DPP4: variants seen among roughly 807,000 people sequenced by gnomAD.
The protein encoded by DPP4 is ADCP-2.
In DPP4, 93 loss-of-function variants were observed where a neutral mutation model predicts 122.4. The ratio of observed to expected loss-of-function variants is 0.76; its 90% confidence interval spans 0.64 to 0.90. DPP4 has a LOEUF of 0.90. DPP4 is among the 40% of genes least tolerant of loss of function. The pLI, the probability that DPP4 is intolerant of heterozygous loss-of-function variation, is 0.00. For synonymous variants in DPP4, 321 were observed against 302.9 expected (o/e 1.06, Z -0.62); for missense variants, 914 against 907.3 (o/e 1.01, Z -0.09).
chr2:162,005,545 T>C (rs778342687), intron 23 of DPP4, 200 bp downstream of exon 23: 4 of 513,194 alleles, frequency 7.8e-6, no homozygotes, highest in Non-Finnish European at 1.4e-5. Context: ...GTGACCTATA[T>C]AGCATACGAT....
chr2:162,048,882 A>C (rs1012537784), intron 2 of DPP4, among the ~76,000 whole-genome samples: 19 of 152,168 alleles, frequency 1.2e-4, no homozygotes, highest in Admixed American at 9.8e-4. Flanking sequence ...TTTTTACGTC[A>C]ACCTTTAGCA....
At chr2:162,009,650 C>A (rs1449501917) in intron 20 of DPP4, among the ~76,000 whole-genome samples, 1 of 151,856 alleles carries the variant, frequency 6.6e-6, no homozygotes, top group African/African-American at 2.4e-5. Flanking sequence ...GAATTTAAAT[C>A]TCTCCAGATG....
At chr2:162,018,622 G>A in intron 16 of DPP4, 107 bp downstream of exon 16, 1 of 1,390,150 alleles carries the variant, frequency 7.2e-7, no homozygotes, top group Admixed American at 2.3e-5. Flanking sequence ...GAGAGAAGGG[G>A]ACTTAGGTGA....
rs1683035854 is a variant in DPP4, at chr2:162,019,285, A to AG, written c.1245-10dup. ...CATTACTAATGTAGTATCTAGGAAG[A>AG]GAAAAAAATGAAATATATATTAATT... is the stretch of plus-strand genomic sequence containing the variant. On this transcript the variant is annotated splice_polypyrimidine_tract_variant and intron_variant, in intron 14 of 25. Coordinates refer to ENST00000360534, the MANE Select transcript of DPP4 (RefSeq NM_001935.4). 2 of 1,490,956 alleles carry AG rather than the reference A, an allele frequency of 1.3e-6. No individual in the cohort carries two copies. Among genetic ancestry groups the AG allele is most frequent in the Admixed American group, 1.9e-5 (1 of 53,472 alleles). 92.4% of individuals were successfully genotyped at this position (1,490,956 alleles called of 1,614,324 possible).
At chr2:162,016,708 T>C (rs1682939461) in intron 18 of DPP4, 60 bp downstream of exon 18, 1 of 1,091,526 alleles carries the variant, frequency 9.2e-7, no homozygotes, top group African/African-American at 1.6e-5. Flanking sequence ...ATCGAATTAC[T>C]ATAGTTAGAG....
In DPP4 at chr2:162,024,873, C is replaced by A; in HGVS notation, c.954G>T (p.Arg318Ser). The A allele has an allele frequency of 6.2e-7, 1 of 1,613,954 alleles. No homozygotes were observed. The highest frequency in any genetic ancestry group is 8.5e-7 in the Non-Finnish European group (1 of 1,180,006). ...TATCCATGACCGAATAGTTCTGAAT[C>A]CTCCTGAGCCACTGCAAAGAAATTC... ...QERISLQWLRRIQNYSVMDIC... is the reference protein window; with the variant it reads ...QERISLQWLRSIQNYSVMDIC... The change falls in exon 11 of 26, where the codon AGG (arginine) becomes AGT (serine). Residue 318 changes from arginine to serine, a missense_variant. Arg to Ser is a moderately radical substitution (Grantham distance 110). Transcript: ENST00000360534.
chr2:161,999,157 A>G (rs972178661), intron 23 of DPP4, among the ~76,000 whole-genome samples: 1 of 152,110 alleles, frequency 6.6e-6, no homozygotes, highest in Non-Finnish European at 1.5e-5. Context: ...ACCATTGATC[A>G]TTCCCTACTC....
chr2:162,067,954 T>G (rs557851374), intron 2 of DPP4, among the ~76,000 whole-genome samples: 1 of 152,342 alleles, frequency 6.6e-6, no homozygotes, highest in Non-Finnish European at 1.5e-5. Flanking sequence ...GATCCAGTAC[T>G]TACTTGCAAA....
chr2:162,017,165 C>G lies in DPP4; in HGVS notation c.1421-10G>C, dbSNP rs1263080816. On this transcript the variant is annotated splice_polypyrimidine_tract_variant and intron_variant, in intron 16 of 25. Transcript: ENST00000360534. ...AGGGGCAGACCAGGACCTGTTAACA[C>G]AATGGGGGAAAAATGTTTTGGATGA... 1 of 1,609,798 alleles carries G rather than the reference C, an allele frequency of 6.2e-7. No homozygotes were observed. The highest frequency in any genetic ancestry group is 8.5e-7 in the Non-Finnish European group (1 of 1,178,864).
At chr2:161,995,940 C>G (rs532781058) in intron 23 of DPP4, among the ~76,000 whole-genome samples, 1 of 152,162 alleles carries the variant, frequency 6.6e-6, no homozygotes, top group African/African-American at 2.4e-5. Flanking sequence ...GCAAATGTAA[C>G]ATATGGGAGG....
intron 24 of DPP4, 102 bp downstream of exon 24, chr2:161,995,198 T>G (rs1576028793): frequency 1.5e-6 from 2 of 1,335,288 alleles, no homozygotes; most frequent in Admixed American, 3.4e-5. Flanking sequence ...ACTGTTTTAT[T>G]GAAGTAAATG....
chr2:162,005,129 A>C (rs920226466), intron 23 of DPP4, among the ~76,000 whole-genome samples: 7 of 152,218 alleles, frequency 4.6e-5, no homozygotes, highest in African/African-American at 1.4e-4. Flanking sequence ...GGGGGCTGTC[A>C]ATGATAGTTG....
At chr2:162,013,977 G>T (rs1438570229) in intron 19 of DPP4, among the ~76,000 whole-genome samples, 2 of 152,094 alleles carry the variant, frequency 1.3e-5, no homozygotes, top group African/African-American at 2.4e-5. Flanking sequence ...ATAGAAAATA[G>T]CCGGCAGTAA....
chr2:162,063,452 C>T (rs542253529), intron 2 of DPP4, among the ~76,000 whole-genome samples: 30 of 152,036 alleles, frequency 2.0e-4, no homozygotes, highest in African/African-American at 7.2e-4. Context: ...TAGGATGGAG[C>T]CCCAGAGTAG....
chr2:162,072,499 A>C (rs1685151535), intron 2 of DPP4, among the ~76,000 whole-genome samples: 1 of 152,222 alleles, frequency 6.6e-6, no homozygotes, highest in Non-Finnish European at 1.5e-5. Flanking sequence ...TCATCCTAAA[A>C]TCTAGATAAG....
At chr2:162,043,685 G>T (rs952738933) in intron 5 of DPP4, among the ~76,000 whole-genome samples, 3 of 152,098 alleles carry the variant, frequency 2.0e-5, no homozygotes, top group Non-Finnish European at 2.9e-5. Context: ...CTGTTATTCA[G>T]GGGTTCTCAG....
intron 2 of DPP4, among the ~76,000 whole-genome samples, chr2:162,066,235 A>T (rs1466573292): frequency 1.3e-5 from 2 of 151,894 alleles, no homozygotes; most frequent in African/African-American, 2.4e-5. Context: ...TACCTCCAAA[A>T]TACATCCTGC....
At chr2:162,022,904 G>C in intron 11 of DPP4, 105 bp from the exon 12 acceptor site, 10 of 1,089,744 alleles carry the variant, frequency 9.2e-6, no homozygotes, top group Non-Finnish European at 1.4e-5. Flanking sequence ...TAATAACTGA[G>C]AGCTATCTCC....
chr2:162,051,265 G>A (rs1479429482), intron 2 of DPP4, among the ~76,000 whole-genome samples: 1 of 152,106 alleles, frequency 6.6e-6, no homozygotes, highest in Non-Finnish European at 1.5e-5. Context: ...AATCATTTCT[G>A]AAAAACAATA....
Sources: gnomAD v4.1 joint callset for allele counts (sites outside exome capture counted in the v4.1 genomes callset) on GRCh38, gnomAD v4.1.1 for gene constraint, MANE v1.5 for transcripts, NCBI Gene and HGNC (gene_info 2026-07-23, HGNC 2026-07-21) for gene names.